Variants in RAB11FIP3 observed in about 807,000 individuals in gnomAD.
RAB11FIP3 encodes the protein rab11 family-interacting protein 3.
A neutral mutation model predicts 77.8 loss-of-function variants in RAB11FIP3; 17 were observed. The observed-to-expected ratio is 0.22, with a 90% CI of 0.15 to 0.33. The LOEUF is 0.33. RAB11FIP3 is among the 10% of genes least tolerant of loss of function. The pLI, the probability that RAB11FIP3 is intolerant of heterozygous loss-of-function variation, is 1.00. For synonymous variants in RAB11FIP3, 437 were observed against 448.2 expected (o/e 0.98, Z 0.31); for missense variants, 1,005 against 1,011.2 (o/e 0.99, Z 0.08).
chr16:493,740 G>A (rs2030821337), intron 5 of RAB11FIP3, among the ~76,000 whole-genome samples: 1 of 149,686 alleles, frequency 6.7e-6, no homozygotes, highest in Non-Finnish European at 1.5e-5. Context: ...CCGAGTAGCT[G>A]GGACTACAGG....
chr16:482,508 G>A lies in RAB11FIP3; in HGVS notation c.904-17G>A. The A allele has an allele frequency of 1.9e-6, 3 of 1,612,222 alleles. No individual in the cohort carries two copies. Among genetic ancestry groups the A allele is most frequent in the Non-Finnish European group, 2.5e-6 (3 of 1,179,014 alleles). On this transcript the variant is annotated splice_polypyrimidine_tract_variant and intron_variant, in intron 3 of 13. Coordinates refer to ENST00000262305, the MANE Select transcript of RAB11FIP3 (RefSeq NM_014700.4). ...TCCCAGCTTGTGCCCGCTGACTGCT[G>A]GCGCACTCTCTCCTAGGCCAACGAG...
intron 1 of RAB11FIP3, among the ~76,000 whole-genome samples, chr16:439,887 C>T (rs1382437292): frequency 3.3e-5 from 5 of 151,624 alleles, no homozygotes; most frequent in African/African-American, 1.2e-4. Context: ...CTCTGTTGCC[C>T]AGCTGGAGTG....
chr16:440,297 A>G (rs1401815586), intron 1 of RAB11FIP3, among the ~76,000 whole-genome samples: 2 of 151,502 alleles, frequency 1.3e-5, no homozygotes, highest in African/African-American at 4.9e-5. Flanking sequence ...AGATTTACTA[A>G]TTTTTGTATT....
intron 9 of RAB11FIP3, among the ~76,000 whole-genome samples, chr16:516,243 G>A (rs1295044915): frequency 2.0e-5 from 3 of 152,200 alleles, no homozygotes; most frequent in African/African-American, 7.2e-5. Flanking sequence ...CTGGGTGTTG[G>A]TGCAGGTTGG....
At chr16:465,352 A>T (rs2055683815) in intron 2 of RAB11FIP3, among the ~76,000 whole-genome samples, 1 of 152,130 alleles carries the variant, frequency 6.6e-6, no homozygotes, top group African/African-American at 2.4e-5. Flanking sequence ...TTCCATGAAA[A>T]ACAAGAAGTG....
chr16:516,988 C>A (rs538133115), intron 9 of RAB11FIP3, among the ~76,000 whole-genome samples: 1 of 152,268 alleles, frequency 6.6e-6, no homozygotes, highest in African/African-American at 2.4e-5. Flanking sequence ...ACAGAGCGGG[C>A]GGGAAAGCAG....
At chr16:442,266 C>T (rs768868258) in intron 1 of RAB11FIP3, among the ~76,000 whole-genome samples, 5 of 152,220 alleles carry the variant, frequency 3.3e-5, no homozygotes, top group Non-Finnish European at 7.3e-5. Flanking sequence ...CAGCTTCCTG[C>T]GTAGGTGGGA....
chr16:488,410 ATTTAT>A (rs1166983233), intron 4 of RAB11FIP3, among the ~76,000 whole-genome samples: 27 of 128,554 alleles, frequency 2.1e-4, no homozygotes, highest in South Asian at 7.3e-4. Context: ...AGATTTATTT[ATTTAT>A]TTTTTTTTTT....
chr16:454,867 T>C (rs1468448632), intron 1 of RAB11FIP3, among the ~76,000 whole-genome samples: 1 of 151,852 alleles, frequency 6.6e-6, no homozygotes, highest in Non-Finnish European at 1.5e-5. Flanking sequence ...TTGGCTAACA[T>C]GGCAAAACGA....
At position 486,959 on chromosome 16, in the gene RAB11FIP3, C is replaced by T. The variant is rs143109032; in HGVS notation, c.1116-1892C>T. 5.0e-3 allele frequency among the ~76,000 whole-genome samples: 759 copies of T among 152,278 alleles called. 5 individuals carry two copies. The highest frequency in any genetic ancestry group is 0.01 in the Middle Eastern group (3 of 294). Reference sequence around the variant, plus strand: ...AAAACAAGCACCCAATCATAAGAAACAGAAAATAAGGTCTTCCTGTAACGT... The same window carrying T: ...AAAACAAGCACCCAATCATAAGAAATAGAAAATAAGGTCTTCCTGTAACGT... On this transcript the variant is annotated intron_variant, in intron 4 of 13. Coordinates refer to ENST00000262305, the MANE Select transcript of RAB11FIP3 (RefSeq NM_014700.4).
chr16:451,870 C>T (rs149043815), intron 1 of RAB11FIP3, among the ~76,000 whole-genome samples: 431 of 151,674 alleles, frequency 2.8e-3, no homozygotes, highest in African/African-American at 9.0e-3. Flanking sequence ...ACAAAAAGGC[C>T]GGGGCTCGGT....
intron 4 of RAB11FIP3, among the ~76,000 whole-genome samples, chr16:488,418 T>A (rs11864645): frequency 0.071 from 10,822 of 151,872 alleles, 1,097 homozygotes; most frequent in African/African-American, 0.23. Flanking sequence ...TTATTTATTT[T>A]TTTTTTTTGA....
At chr16:484,220 G>A (rs969640772) in intron 4 of RAB11FIP3, among the ~76,000 whole-genome samples, 9 of 151,980 alleles carry the variant, frequency 5.9e-5, no homozygotes, top group Admixed American at 2.0e-4. Flanking sequence ...AAACACTCCC[G>A]CACCCAGGGT....
At chr16:434,231 C>T (rs887211162) in intron 1 of RAB11FIP3, among the ~76,000 whole-genome samples, 4 of 152,184 alleles carry the variant, frequency 2.6e-5, no homozygotes, top group Non-Finnish European at 5.9e-5. Context: ...AAGCAATTCT[C>T]CTGCCTCAGC....
intron 2 of RAB11FIP3, among the ~76,000 whole-genome samples, chr16:464,041 G>A (rs1340726786): frequency 6.6e-6 from 1 of 152,220 alleles, no homozygotes; most frequent in African/African-American, 2.4e-5. Context: ...GTCCTGAGGT[G>A]GGGCGAGGGG....
At chr16:438,018 A>T (rs2055160327) in intron 1 of RAB11FIP3, among the ~76,000 whole-genome samples, 1 of 152,030 alleles carries the variant, frequency 6.6e-6, no homozygotes, top group African/African-American at 2.4e-5. Flanking sequence ...CATATTGGCC[A>T]GGCTGGCCTT....
intron 7 of RAB11FIP3, among the ~76,000 whole-genome samples, chr16:503,639 G>C (rs2031654460): frequency 1.3e-5 from 2 of 152,096 alleles, no homozygotes; most frequent in Non-Finnish European, 2.9e-5. Context: ...CAGCACATTA[G>C]GAGGCCTAGG....
At chr16:448,511 T>C (rs112397268) in intron 1 of RAB11FIP3, among the ~76,000 whole-genome samples, 1 of 148,900 alleles carries the variant, frequency 6.7e-6, no homozygotes, top group South Asian at 2.1e-4. Flanking sequence ...CCGAGGCAGG[T>C]GGATCACGAG....
intron 1 of RAB11FIP3, among the ~76,000 whole-genome samples, chr16:450,469 C>G (rs367817508): frequency 3.3e-5 from 5 of 152,302 alleles, no homozygotes; most frequent in East Asian, 3.9e-4. Flanking sequence ...TGTGACCCAC[C>G]ACGCCCAACC....
Sources: allele counts gnomAD v4.1 joint callset (sites outside exome capture counted in the v4.1 genomes callset), GRCh38; gene constraint gnomAD v4.1.1; transcripts MANE v1.5; gene names NCBI Gene and HGNC (gene_info 2026-07-23, HGNC 2026-07-21).